Variants in PCDHGA11 observed in about 807,000 individuals in gnomAD.
PCDHGA11 encodes the protein protocadherin gamma-A11.
A neutral mutation model predicts 60.4 loss-of-function variants in PCDHGA11; 39 were observed. The ratio of observed to expected loss-of-function variants is 0.65; its 90% CI spans 0.50 to 0.84. The LOEUF (loss-of-function observed/expected upper bound fraction) is 0.84. PCDHGA11 is among the 40% of genes least tolerant of loss of function. The pLI, the probability that PCDHGA11 is intolerant of heterozygous loss-of-function variation, is 0.00. For missense variants in PCDHGA11, 1,165 were observed against 1,197.7 expected, an observed-to-expected ratio of 0.97 and a Z score of 0.40; for synonymous variants, 533 against 510.3, an observed-to-expected ratio of 1.04 and a Z score of -0.60.
intron 1 of PCDHGA11, among the ~76,000 whole-genome samples, chr5:141,481,171 C>G (rs927813327): frequency 6.6e-6 from 1 of 152,120 alleles, no homozygotes; most frequent in African/African-American, 2.4e-5. Flanking sequence ...AACCAGAATC[C>G]AGCTTTATTG....
intron 1 of PCDHGA11, among the ~76,000 whole-genome samples, chr5:141,474,420 T>C (rs1260451051): frequency 2.0e-5 from 3 of 152,226 alleles, no homozygotes; most frequent in Admixed American, 2.0e-4. Flanking sequence ...GCCTAGACCA[T>C]TGGTCCTCAC....
intron 2 of PCDHGA11, among the ~76,000 whole-genome samples, chr5:141,495,233 A>G (rs1226612093): frequency 1.3e-5 from 2 of 152,196 alleles, no homozygotes; most frequent in African/African-American, 4.8e-5. Flanking sequence ...GCTGGGCTCC[A>G]TTATGACCTG....
chr5:141,477,043 G>A lies in PCDHGA11; in HGVS notation c.2434-17764G>A. The A allele has an allele frequency of 6.2e-7, 1 of 1,614,260 alleles. No individual in the cohort carries two copies. Among genetic ancestry groups the A allele is most frequent in the Middle Eastern group, 1.6e-4 (1 of 6,062 alleles). On this transcript the variant is annotated intron_variant, in intron 1 of 3. Coordinates refer to ENST00000398587, the MANE Select transcript of PCDHGA11 (RefSeq NM_018914.3). This position sits in a 1 kb window ranked among gnomAD's most constrained non-coding sequence, Gnocchi z 4.9. The stretch of plus-strand genomic sequence containing the variant: ...CCGGGATGCTGACAATCAAGGGTCG[G>A]CTGGACTTCGAGGACACCAAACTCC...
intron 2 of PCDHGA11, among the ~76,000 whole-genome samples, chr5:141,503,780 T>G (rs779791247): frequency 7.2e-5 from 11 of 152,124 alleles, no homozygotes; most frequent in Non-Finnish European, 1.3e-4. Flanking sequence ...GTTCTTAGGC[T>G]GAGTTCATCT....
intron 1 of PCDHGA11, among the ~76,000 whole-genome samples, chr5:141,473,719 T>C (rs998018115): frequency 6.6e-6 from 1 of 152,124 alleles, no homozygotes; most frequent in African/African-American, 2.4e-5. Context: ...CAATGGAATA[T>C]AGTGAGAGAG....
rs1176011355 is a variant in PCDHGA11 at position 141,485,491 on chromosome 5, G to A, written c.2434-9316G>A. The A allele has an allele frequency of 1.2e-6, 2 of 1,614,142 alleles. No individual in the cohort carries two copies. Among genetic ancestry groups the A allele is most frequent in the Non-Finnish European group, 1.7e-6 (2 of 1,180,040 alleles). On this transcript the variant is annotated intron_variant, in intron 1 of 3. Transcript: ENST00000398587. This position sits in a 1 kb window ranked among gnomAD's most constrained non-coding sequence, Gnocchi z 5.7. ...TCAGTGCCAGCTGCATCGTGCCCCT[G>A]GAGTTTGTCACCGAAGGTCCTTTGG...
At chr5:141,454,483 C>T (rs1434684795) in intron 1 of PCDHGA11, among the ~76,000 whole-genome samples, 9 of 151,684 alleles carry the variant, frequency 5.9e-5, no homozygotes, top group African/African-American at 9.7e-5. Flanking sequence ...CTCAGCTCAC[C>T]GCAACCTCCA....
At chr5:141,441,494 ACCAGG>A (rs1325946941) in intron 1 of PCDHGA11, 1 of 170,360 alleles carries the variant, frequency 5.9e-6, no homozygotes, top group Non-Finnish European at 1.3e-5. Flanking sequence ...CTGGTTTTCT[ACCAGG>A]CCTCCTACGT....
chr5:141,485,192 A>T lies in PCDHGA11; in HGVS notation c.2434-9615A>T. 1.2e-6 allele frequency: 2 copies of T among 1,613,942 alleles called. No individual in the cohort carries two copies. Among genetic ancestry groups the T allele is most frequent in the African/African-American group, 2.7e-5 (2 of 75,048 alleles). On this transcript the variant is annotated intron_variant, in intron 1 of 3. Transcript: ENST00000398587. The surrounding 1 kb of genome is among the most constrained non-coding windows in gnomAD (Gnocchi z 5.7). ...GGCAGCAATGCTCCGCAAGGTGAGA[A>T]GCTGGACAGAAATCTGGCGGTGGGC... is the stretch of plus-strand genomic sequence containing the variant.
At position 141,490,155 on chromosome 5, in the gene PCDHGA11, G is replaced by A. The variant is rs753981059; in HGVS notation, c.2434-4652G>A. On this transcript the variant is annotated intron_variant, in intron 1 of 3. Transcript: ENST00000398587. This position sits in a 1 kb window ranked among gnomAD's most constrained non-coding sequence, Gnocchi z 5.4. ...CTAGCAGTGGGGCAATCCATGTGTT[G>A]GGTCCCATAGACTTTGAGGAGTCAC... 2 of 1,614,214 alleles carry A rather than the reference G, an allele frequency of 1.2e-6. No individual in the cohort carries two copies. The highest frequency in any genetic ancestry group is 1.1e-5 in the South Asian group (1 of 91,086).
At position 141,511,411 on chromosome 5, in the gene PCDHGA11, A is replaced by G; in HGVS notation, c.*238A>G. On this transcript the variant is annotated 3_prime_UTR_variant, in exon 4 of 4. Coordinates refer to ENST00000398587, the MANE Select transcript of PCDHGA11 (RefSeq NM_018914.3). ...GAACCCCCATCCAATCAACTGCTGT[A>G]CCCATGGGGGTAGTGGGGTTACTGT... The G allele has an allele frequency of 1.1e-6, 1 of 901,334 alleles. No homozygotes were observed. Among genetic ancestry groups the G allele is most frequent in the Non-Finnish European group, 1.6e-6 (1 of 617,750 alleles). The allele number at this position is 901,334 out of a possible 1,614,324, so 55.8% of individuals were successfully genotyped here. A position where few individuals can be genotyped will look rare whatever the true frequency, so the allele number is the denominator to read the frequency against.
chr5:141,421,222 C>G lies in PCDHGA11; in HGVS notation c.-6C>G. ...GAAACCGCGGAATATCGGCTTAGAG[C>G]CTGCCATGGCGAATCGGCTACAGCG... is the stretch of plus-strand genomic sequence containing the variant. On this transcript the variant is annotated 5_prime_UTR_variant, in exon 1 of 4. Coordinates refer to ENST00000398587, the MANE Select transcript of PCDHGA11 (RefSeq NM_018914.3). 1.3e-6 allele frequency: 2 copies of G among 1,576,946 alleles called. No homozygotes were observed. Among genetic ancestry groups the G allele is most frequent in the Non-Finnish European group, 1.7e-6 (2 of 1,164,150 alleles).
intron 1 of PCDHGA11, chr5:141,478,160 G>GC (rs764598056): frequency 3.7e-6 from 6 of 1,613,948 alleles, no homozygotes. Flanking sequence ...CTCTGGCTCT[G>GC]CCCCCCGGGA....
In PCDHGA11 at chr5:141,431,675, G is replaced by A. The variant is rs778040824; in HGVS notation, c.2433+8015G>A. Reference sequence around the variant, plus strand: ...TTCAGGGACAATATCAACAATAGGGGAGTTGGACCACGAGGAGTCAGGATT... The same window carrying A: ...TTCAGGGACAATATCAACAATAGGGAAGTTGGACCACGAGGAGTCAGGATT... On this transcript the variant is annotated intron_variant, in intron 1 of 3. Coordinates refer to ENST00000398587, the MANE Select transcript of PCDHGA11 (RefSeq NM_018914.3). The surrounding 1 kb of genome is among the most constrained non-coding windows in gnomAD (Gnocchi z 4.8). 5.6e-6 allele frequency: 9 copies of A among 1,614,230 alleles called. No homozygotes were observed. Among genetic ancestry groups the A allele is most frequent in the Admixed American group, 1.7e-5 (1 of 60,028 alleles).
chr5:141,502,577 A>G (rs1260539435), intron 2 of PCDHGA11, among the ~76,000 whole-genome samples: 2 of 152,192 alleles, frequency 1.3e-5, no homozygotes, highest in African/African-American at 4.8e-5. Context: ...TTATAAAAAT[A>G]TATTTTTATA....
chr5:141,422,115 T>G lies in PCDHGA11; in HGVS notation c.888T>G (p.Asp296Glu). The change falls in exon 1 of 4, where the codon GAT becomes GAG. Residue 296 changes from aspartate (D) to glutamate (E), a missense_variant. Transcript: ENST00000398587. ...AGGCTTCTGAAATATTCCAATTGGA[T>G]TCACAAACTGGAGAAGTTCAAGTAC... is the stretch of plus-strand genomic sequence containing the variant. The part of the protein sequence containing the change: ...ESKASEIFQL[D>E]SQTGEVQVRG... The G allele has an allele frequency of 6.2e-7, 1 of 1,605,004 alleles. No individual in the cohort carries two copies. Among genetic ancestry groups the G allele is most frequent in the Non-Finnish European group, 8.5e-7 (1 of 1,177,288 alleles).
In PCDHGA11 at chr5:141,423,636, C is replaced by A; in HGVS notation, c.2409C>A (p.Gly803=). ...CTGAAGACTCAGCTATCATTTTAGG[C>A]AAATGTGACCCGACAAGTAATCAGG... ...LIAEDSAIIL[G]KCDPTSNQQA... Residue 803 remains glycine, a synonymous_variant, in exon 1 of 4, where the codon GGC becomes GGA. Transcript: ENST00000398587. 1 of 1,598,388 alleles carries A rather than the reference C, an allele frequency of 6.3e-7. No homozygotes were observed. Among genetic ancestry groups the A allele is most frequent in the Non-Finnish European group, 8.5e-7 (1 of 1,173,070 alleles).
In PCDHGA11 at chr5:141,422,806, C is replaced by T. The variant is rs868426196; in HGVS notation, c.1579C>T (p.Arg527Ter). 2 of 1,614,208 alleles carry T rather than the reference C, an allele frequency of 1.2e-6. No individual in the cohort carries two copies. Among genetic ancestry groups the T allele is most frequent in the Non-Finnish European group, 1.7e-6 (2 of 1,180,030 alleles). ...ALQSFDYEQFRDLELRVIARD... is the reference protein window; with the variant it reads ...ALQSFDYEQF ...ACAATCCTTCGACTATGAGCAGTTT[C>T]GAGACTTAGAACTGAGAGTGATAGC... is the stretch of plus-strand genomic sequence containing the variant. Residue 527 changes from arginine (R) to a stop codon, truncating the protein, a stop_gained, in exon 1 of 4, where the codon CGA becomes TGA. Transcript: ENST00000398587. LOFTEE classifies it high-confidence loss of function.
intron 1 of PCDHGA11, chr5:141,428,481 C>T (rs2097141995): frequency 3.0e-6 from 1 of 331,008 alleles, no homozygotes; most frequent in Non-Finnish European, 5.8e-6. Flanking sequence ...TGCTTTATTC[C>T]TGCAATCTGT....
Sources: allele counts gnomAD v4.1 joint callset (sites outside exome capture counted in the v4.1 genomes callset), GRCh38; gene constraint gnomAD v4.1.1; non-coding constraint Gnocchi (gnomAD v3.1); transcripts MANE v1.5; gene names NCBI Gene and HGNC (gene_info 2026-07-23, HGNC 2026-07-21).